Variants in RBFOX1 observed in about 807,000 individuals in gnomAD.
RBFOX1 encodes RNA binding fox-1 homolog 1.
A neutral mutation model predicts 57.7 loss-of-function variants in RBFOX1; 8 were observed. The ratio of observed to expected loss-of-function variants is 0.14; its 90% confidence interval spans 0.08 to 0.25. RBFOX1 has a LOEUF of 0.25. Ranked by LOEUF, RBFOX1 falls within the 10% of genes least tolerant of loss-of-function variation. The pLI, the probability that RBFOX1 is intolerant of heterozygous loss-of-function variation, is 1.00. For missense variants in RBFOX1, 611 were observed against 548.5 expected, an observed-to-expected ratio of 1.11 and a Z score of -1.14; for synonymous variants, 326 against 222.4, an observed-to-expected ratio of 1.47 and a Z score of -4.15.
At chr16:6,756,534 T>C (rs941430455) in intron 3 of RBFOX1, among the ~76,000 whole-genome samples, 5 of 152,084 alleles carry the variant, frequency 3.3e-5, no homozygotes, top group Non-Finnish European at 1.5e-5. Flanking sequence ...AGAGGATCTG[T>C]AGAATGGGAG....
At chr16:7,192,149 A>G (rs999823161) in intron 4 of RBFOX1, among the ~76,000 whole-genome samples, 4 of 152,236 alleles carry the variant, frequency 2.6e-5, no homozygotes, top group Admixed American at 2.6e-4. Flanking sequence ...GGGGGTAGGT[A>G]GTAGAAGGAA....
At chr16:5,895,681 C>G (rs779759613) in intron 4 of RBFOX1, among the ~76,000 whole-genome samples, 10 of 152,176 alleles carry the variant, frequency 6.6e-5, no homozygotes, top group Non-Finnish European at 1.2e-4. Flanking sequence ...CTCTTGCAGA[C>G]TTAGTCTTCT....
rs145124931 is a variant in RBFOX1, at chr16:5,735,829, T to G, written c.319-131474T>G. ...AGGCGGAGGTTGCAGTGAGCCAAGATGGCACCACTGCACTCCAGCCTTGGT... is the reference window on the plus strand; with the variant it reads ...AGGCGGAGGTTGCAGTGAGCCAAGAGGGCACCACTGCACTCCAGCCTTGGT... On this transcript the variant is annotated intron_variant, in intron 3 of 19. Transcript: ENST00000641259. 1.4e-3 allele frequency among the ~76,000 whole-genome samples: 210 copies of G among 152,172 alleles called. 1 individual carries two copies. The highest frequency in any genetic ancestry group is 4.7e-3 in the African/African-American group (196 of 41,516).
chr16:6,364,317 T>G (rs900918980), intron 2 of RBFOX1, among the ~76,000 whole-genome samples: 2 of 152,244 alleles, frequency 1.3e-5, no homozygotes, highest in Non-Finnish European at 2.9e-5. Context: ...TGTTTTATCT[T>G]GCATTTTCCC....
intron 1 of RBFOX1, among the ~76,000 whole-genome samples, chr16:6,031,624 C>T (rs906105650): frequency 6.6e-6 from 1 of 152,280 alleles, no homozygotes; most frequent in East Asian, 1.9e-4. Context: ...TACATTTCTG[C>T]ACGTGTGTGT....
chr16:7,592,286 G>T (rs916623852), intron 7 of RBFOX1, among the ~76,000 whole-genome samples: 1 of 152,190 alleles, frequency 6.6e-6, no homozygotes, highest in African/African-American at 2.4e-5. Context: ...AATAGATGAG[G>T]CTATTTCCTT....
intron 2 of RBFOX1, among the ~76,000 whole-genome samples, chr16:6,415,920 C>G (rs140249794): frequency 6.6e-4 from 100 of 152,274 alleles, no homozygotes; most frequent in African/African-American, 2.3e-3. Context: ...CTTTGAGGAC[C>G]TTGGTTTAAT....
At position 6,667,238 on chromosome 16, in the gene RBFOX1, C is replaced by G. The variant is rs770802458; in HGVS notation, c.-16+12588C>G. Among the ~76,000 whole-genome samples, 4 of 152,088 alleles carry G rather than the reference C, an allele frequency of 2.6e-5. No homozygotes were observed. The South Asian group carries it at 6.2e-4, about 24-fold the overall frequency. On this transcript the variant is annotated intron_variant, in intron 3 of 15. Coordinates refer to ENST00000550418, the MANE Select transcript of RBFOX1 (RefSeq NM_018723.4). ...ATGATGAGAAGCTGCTGGGCACCCTCAGCAGTGCCATGGACACAGTGGTAA... is the reference window on the plus strand; with the variant it reads ...ATGATGAGAAGCTGCTGGGCACCCTGAGCAGTGCCATGGACACAGTGGTAA...
At chr16:6,703,732 G>C (rs911542855) in intron 3 of RBFOX1, among the ~76,000 whole-genome samples, 13 of 152,024 alleles carry the variant, frequency 8.6e-5, no homozygotes, top group African/African-American at 3.1e-4. Flanking sequence ...AAAGAAAAAA[G>C]AAAGTGGCTC....
intron 4 of RBFOX1, among the ~76,000 whole-genome samples, chr16:7,415,191 G>A (rs985214744): frequency 2.6e-5 from 4 of 152,186 alleles, no homozygotes; most frequent in Non-Finnish European, 4.4e-5. Context: ...AATCCTGGCT[G>A]TGCCTTCAAA....
At chr16:7,059,641 C>A (rs553318564) in intron 4 of RBFOX1, among the ~76,000 whole-genome samples, 8 of 152,188 alleles carry the variant, frequency 5.3e-5, no homozygotes, top group Non-Finnish European at 8.8e-5. Context: ...TTGACCTTCA[C>A]TTATCAAACG....
rs1202157730 is a variant in RBFOX1, at chr16:5,625,258, G to A, written c.318+26297G>A. Among the ~76,000 whole-genome samples, 4 of 152,064 alleles carry A rather than the reference G, an allele frequency of 2.6e-5. 1 individual carries two copies. Among genetic ancestry groups the A allele is most frequent in the South Asian group, 4.2e-4 (2 of 4,814 alleles). On this transcript the variant is annotated intron_variant, in intron 3 of 19. Coordinates refer to the RBFOX1 transcript ENST00000641259. ...CTAGGATCTGTAGCAGGACCTGGGC[G>A]TGGTAGGGGCGTAGGAAGCATTTGT...
intron 3 of RBFOX1, among the ~76,000 whole-genome samples, chr16:5,627,092 C>T (rs571106968): frequency 6.6e-6 from 1 of 152,156 alleles, no homozygotes; most frequent in South Asian, 2.1e-4. Context: ...GTATTTAAGC[C>T]CTCAAATCTA....
chr16:7,188,957 G>C (rs955139547), intron 4 of RBFOX1, among the ~76,000 whole-genome samples: 1 of 152,124 alleles, frequency 6.6e-6, no homozygotes, highest in Non-Finnish European at 1.5e-5. Flanking sequence ...AGCCTGGGTA[G>C]CTTGATAAAC....
intron 4 of RBFOX1, among the ~76,000 whole-genome samples, chr16:7,473,520 A>G (rs1303738780): frequency 6.7e-6 from 1 of 148,548 alleles, no homozygotes; most frequent in East Asian, 1.9e-4. Context: ...TATTATATAT[A>G]TAATATATAT....
At position 6,636,711 on chromosome 16, in the gene RBFOX1, C is replaced by T. The variant is rs1228812832; in HGVS notation, c.-63-17892C>T. 3.4e-5 allele frequency among the ~76,000 whole-genome samples: 5 copies of T among 145,446 alleles called. No individual in the cohort carries two copies. In the Admixed American group the frequency reaches 3.6e-4, roughly 10 times the overall value. On this transcript the variant is annotated intron_variant, in intron 2 of 15. Coordinates refer to ENST00000550418, the MANE Select transcript of RBFOX1 (RefSeq NM_018723.4). ...ATATTCTATTTGATTGTGTGAATCT[C>T]ACCAATCTGGAAGTCATAAAATAAG...
chr16:7,105,122 C>CA, intron 4 of RBFOX1, among the ~76,000 whole-genome samples: 1 of 152,206 alleles, frequency 6.6e-6, no homozygotes, highest in East Asian at 1.9e-4. Flanking sequence ...GATGTTTAAG[C>CA]AAAAGTCTCA....
At chr16:7,597,600 A>G (rs2094773101) in intron 9 of RBFOX1, among the ~76,000 whole-genome samples, 169 bp downstream of exon 9, 1 of 152,228 alleles carries the variant, frequency 6.6e-6, no homozygotes, top group Admixed American at 6.5e-5. Context: ...CATTTTCACA[A>G]CAAAGGCAAA....
chr16:6,851,281 G>T (rs886626072), intron 3 of RBFOX1, among the ~76,000 whole-genome samples: 2 of 152,130 alleles, frequency 1.3e-5, no homozygotes, highest in South Asian at 4.2e-4. Context: ...GGAGTGAGAG[G>T]TGTGGAGTGA....
Sources: gnomAD v4.1 joint callset for allele counts (sites outside exome capture counted in the v4.1 genomes callset) on GRCh38, gnomAD v4.1.1 for gene constraint, MANE v1.5 for transcripts, NCBI Gene and HGNC (gene_info 2026-07-23, HGNC 2026-07-21) for gene names.